Variants in EML6 observed in about 807,000 individuals in gnomAD.
EML6 encodes echinoderm microtubule-associated protein-like 6.
EML6 carries 154 observed loss-of-function variants against 240.1 expected under a neutral mutation model. That is an observed-to-expected ratio of 0.64 (90% CI 0.56 to 0.73). The LOEUF is 0.73. Ranked by LOEUF, EML6 falls within the 30% of genes least tolerant of loss-of-function variation. The probability of loss-of-function intolerance (pLI) is 0.00; values close to 1 mark genes in which losing one functional copy is unlikely to be tolerated. For missense variants in EML6, 2,964 were observed against 2,474.6 expected, an observed-to-expected ratio of 1.20 and a Z score of -4.20; for synonymous variants, 1,148 against 899.0, an observed-to-expected ratio of 1.28 and a Z score of -4.95.
intron 34 of EML6, 40 bp downstream of exon 34, chr2:54,959,301 G>A: frequency 2.0e-6 from 3 of 1,474,834 alleles, no homozygotes; most frequent in Non-Finnish European, 2.7e-6. Flanking sequence ...GTCGTTTGTT[G>A]TTATCTTGGG....
intron 2 of EML6, 54 bp from the exon 3 acceptor site, chr2:54,813,178 T>C (rs530805287): frequency 2.6e-4 from 324 of 1,259,922 alleles, no homozygotes; most frequent in Non-Finnish European, 3.4e-4. Flanking sequence ...GGATAAAAGG[T>C]GATCAGTGTT....
At chr2:54,906,443 TTGG>T (rs1489396597) in intron 24 of EML6, among the ~76,000 whole-genome samples, 3 of 152,082 alleles carry the variant, frequency 2.0e-5, no homozygotes, top group African/African-American at 7.2e-5. Flanking sequence ...GAGCCATCAC[TTGG>T]TGGAAAGAGA....
chr2:54,772,947 A>G (rs1668458851), intron 2 of EML6, among the ~76,000 whole-genome samples: 1 of 152,232 alleles, frequency 6.6e-6, no homozygotes, highest in Admixed American at 6.5e-5. Context: ...TATTTTGTTG[A>G]CTTGATGGTC....
At chr2:54,874,211 C>T (rs1671393859) in intron 16 of EML6, among the ~76,000 whole-genome samples, 1 of 152,186 alleles carries the variant, frequency 6.6e-6, no homozygotes, top group Admixed American at 6.5e-5. Flanking sequence ...GTGGCCTCTT[C>T]ATTTCAGATA....
At chr2:54,968,450 A>G (rs1573233950) in intron 40 of EML6, among the ~76,000 whole-genome samples, 169 bp downstream of exon 40, 1 of 152,312 alleles carries the variant, frequency 6.6e-6, no homozygotes, top group Non-Finnish European at 1.5e-5. Context: ...CCTGGAAGCC[A>G]GAAGGGAGGA....
intron 38 of EML6, 104 bp from the exon 39 acceptor site, chr2:54,966,896 C>T (rs1676773057): frequency 1.4e-6 from 1 of 708,232 alleles, no homozygotes. Context: ...GAGAAAAGCC[C>T]TAGGGATGCA....
chr2:54,938,013 T>C (rs1247086908), intron 28 of EML6, among the ~76,000 whole-genome samples: 5 of 152,146 alleles, frequency 3.3e-5, no homozygotes, highest in African/African-American at 7.2e-5. Flanking sequence ...CACAGGACAG[T>C]GATGTTAGTG....
intron 6 of EML6, 114 bp downstream of exon 6, chr2:54,827,865 T>C: frequency 1.5e-6 from 1 of 681,368 alleles, no homozygotes; most frequent in Admixed American, 2.8e-5. Context: ...TGCTGAACAC[T>C]CCCTACTCAT....
intron 38 of EML6, among the ~76,000 whole-genome samples, chr2:54,965,039 C>T (rs1414782447): frequency 1.3e-5 from 2 of 152,200 alleles, no homozygotes; most frequent in Admixed American, 1.3e-4. Flanking sequence ...TTCTAGTTTT[C>T]TGGGGCTACA....
At position 54,725,095 on chromosome 2, in the gene EML6, C is replaced by A. The variant is rs752894375; in HGVS notation, c.34C>A (p.Arg12=). 1.3e-6 allele frequency: 2 copies of A among 1,531,886 alleles called. No individual in the cohort carries two copies. The highest frequency in any genetic ancestry group is 2.8e-5 in the African/African-American group (2 of 70,402). The allele number at this position is 1,531,886 out of a possible 1,614,324, so 94.9% of individuals were successfully genotyped here. Residue 12 remains arginine (R), a synonymous_variant, in exon 2 of 42, where the codon CGG becomes AGG. Coordinates refer to ENST00000356458, the MANE Select transcript of EML6 (RefSeq NM_001039753.4). This position sits in a 1 kb window ranked among gnomAD's most constrained non-coding sequence, Gnocchi z 4.3. ...TCGGACGGCGCCCCGCTGCCAGCTCCGGCTGGAGTGGGTGTACGGGTACCG... is the reference window on the plus strand; with the variant it reads ...TCGGACGGCGCCCCGCTGCCAGCTCAGGCTGGAGTGGGTGTACGGGTACCG... ...ADRTAPRCQL[R]LEWVYGYRGH...
At chr2:54,835,691 A>G (rs1285168242) in intron 7 of EML6, among the ~76,000 whole-genome samples, 2 of 152,168 alleles carry the variant, frequency 1.3e-5, no homozygotes, top group African/African-American at 4.8e-5. Flanking sequence ...CAGATAGTCT[A>G]GCAGCTCTCA....
chr2:54,906,236 G>T (rs995675701), intron 24 of EML6, among the ~76,000 whole-genome samples: 2 of 152,196 alleles, frequency 1.3e-5, no homozygotes, highest in African/African-American at 2.4e-5. Context: ...GATATGAAGT[G>T]TATCTCATTT....
At chr2:54,817,737 C>T (rs1277245020) in intron 4 of EML6, among the ~76,000 whole-genome samples, 1 of 151,762 alleles carries the variant, frequency 6.6e-6, no homozygotes, top group African/African-American at 2.4e-5. Context: ...GTGGGTTGGA[C>T]AAGCTTCATG....
chr2:54,831,763 C>A (rs1375055802), intron 7 of EML6, among the ~76,000 whole-genome samples: 2 of 151,884 alleles, frequency 1.3e-5, no homozygotes, highest in Non-Finnish European at 2.9e-5. Flanking sequence ...AGATCATGTT[C>A]CAGTTTGAGT....
intron 2 of EML6, among the ~76,000 whole-genome samples, chr2:54,756,017 A>G (rs1667706094): frequency 6.6e-6 from 1 of 152,096 alleles, no homozygotes; most frequent in African/African-American, 2.4e-5. Context: ...TCTCTGCCAT[A>G]CCATTTTTAA....
In EML6 at chr2:54,827,537, G is replaced by C. The variant is rs906060123; in HGVS notation, c.526-29G>C. ...GCAATACATCCGAATACTCTATCTT[G>C]GAGATCTATTTTATCACTTACATTG... On this transcript the variant is annotated intron_variant, in intron 5 of 41. Coordinates refer to ENST00000356458, the MANE Select transcript of EML6 (RefSeq NM_001039753.4). 2.6e-6 allele frequency: 4 copies of C among 1,519,214 alleles called. No homozygotes were observed. In the African/African-American group the frequency reaches 4.1e-5, roughly 16 times the overall value. 94.1% of individuals were successfully genotyped at this position (1,519,214 alleles called of 1,614,324 possible). A position where few individuals can be genotyped will look rare whatever the true frequency, so the allele number is the denominator to read the frequency against.
chr2:54,939,162 A>G (rs1040862352), intron 28 of EML6, among the ~76,000 whole-genome samples: 5 of 152,244 alleles, frequency 3.3e-5, no homozygotes, highest in African/African-American at 1.2e-4. Context: ...TCTTGTTGAC[A>G]CTTTGTCATT....
chr2:54,871,680 T>C (rs755034308), intron 16 of EML6, 75 bp downstream of exon 16: 8 of 1,043,472 alleles, frequency 7.7e-6, no homozygotes, highest in African/African-American at 3.2e-5. Flanking sequence ...GCCCCGCGCA[T>C]GCGCGCACGC....
intron 7 of EML6, among the ~76,000 whole-genome samples, chr2:54,835,695 GCT>G (rs1669104335): frequency 1.3e-5 from 2 of 152,144 alleles, no homozygotes; most frequent in African/African-American, 4.8e-5. Context: ...TAGTCTAGCA[GCT>G]CTCAACCAGG....
Sources: gnomAD v4.1 joint callset for allele counts (sites outside exome capture counted in the v4.1 genomes callset) on GRCh38, gnomAD v4.1.1 for gene constraint, Gnocchi (gnomAD v3.1) non-coding constraint, MANE v1.5 for transcripts, NCBI Gene and HGNC (gene_info 2026-07-23, HGNC 2026-07-21) for gene names.